Variants in WWTR1 observed in about 807,000 individuals in gnomAD.
The protein encoded by WWTR1 is WW domain containing transcription regulator 1, also known as WW domain-containing transcription regulator protein 1.
Under a neutral mutation model 40.1 loss-of-function variants are expected in WWTR1, and 13 were observed. That is an observed-to-expected ratio of 0.32 (90% CI 0.21 to 0.52). The LOEUF (loss-of-function observed/expected upper bound fraction) is 0.52, where lower values mean the gene tolerates loss of function less well. Among genes scored for constraint, WWTR1 ranks in the 20% least tolerant of loss-of-function variants. The pLI is 0.97. For synonymous variants in WWTR1, 230 were observed against 210.1 expected, an observed-to-expected ratio of 1.09 and a Z score of -0.82; for missense variants, 436 against 523.1, an observed-to-expected ratio of 0.83 and a Z score of 1.63.
intron 2 of WWTR1, among the ~76,000 whole-genome samples, chr3:149,575,149 TA>T (rs1737828036): frequency 6.6e-6 from 1 of 152,220 alleles, no homozygotes; most frequent in Middle Eastern, 3.4e-3. Context: ...ATCATTTCCC[TA>T]AGTATAAAGT....
Position 149,542,428 on chromosome 3 carries a change from G to T in WWTR1, c.678C>A (p.Thr226=). The change falls in exon 4 of 7, where the codon ACC becomes ACA. Residue 226 remains threonine, a synonymous_variant. Coordinates refer to ENST00000360632, the MANE Select transcript of WWTR1 (RefSeq NM_015472.6). ...AGLMSMPNAL[T]TQQQQQQKLR... ...GTTTCTGCTGCTGCTGCTGCTGAGTGGTCAGCGCATTGGGCATACTCATGA... is the reference window on the plus strand; with the variant it reads ...GTTTCTGCTGCTGCTGCTGCTGAGTTGTCAGCGCATTGGGCATACTCATGA... 6.2e-7 allele frequency: 1 copy of T among 1,614,154 alleles called. No homozygotes were observed. The highest frequency in any genetic ancestry group is 8.5e-7 in the Non-Finnish European group (1 of 1,180,008).
At chr3:149,620,529 A>G (rs1190917479) in intron 2 of WWTR1, among the ~76,000 whole-genome samples, 1 of 148,376 alleles carries the variant, frequency 6.7e-6, no homozygotes, top group Non-Finnish European at 1.5e-5. Context: ...GGGGAGCTGG[A>G]TCTCATATGT....
At chr3:149,648,670 A>T (rs1576621194) in intron 2 of WWTR1, among the ~76,000 whole-genome samples, 1 of 152,236 alleles carries the variant, frequency 6.6e-6, no homozygotes, top group East Asian at 1.9e-4. Flanking sequence ...CAAGTTCCTG[A>T]GGCCAGAAGG....
intron 2 of WWTR1, 60 bp from the exon 3 acceptor site, chr3:149,573,060 C>T: frequency 6.8e-7 from 1 of 1,473,430 alleles, no homozygotes; most frequent in East Asian, 2.3e-5. Context: ...TCATCATCAC[C>T]AACAACAGCA....
intron 5 of WWTR1, among the ~76,000 whole-genome samples, chr3:149,715,196 C>T (rs76685871): frequency 0.024 from 3,724 of 152,276 alleles, 88 homozygotes; most frequent in South Asian, 0.093. Context: ...TGAAACATGC[C>T]CCTTGTCCAC....
chr3:149,537,604 G>A (rs996828530), intron 4 of WWTR1, among the ~76,000 whole-genome samples: 25 of 152,220 alleles, frequency 1.6e-4, no homozygotes, highest in African/African-American at 6.0e-4. Context: ...TTTACATACA[G>A]TAAAATTCAC....
At chr3:149,540,147 G>A (rs1736025403) in intron 4 of WWTR1, 6 of 452,454 alleles carry the variant, frequency 1.3e-5, no homozygotes, top group South Asian at 9.3e-5. Flanking sequence ...AACTACATGA[G>A]TCCCTGTGAG....
chr3:149,543,885 TA>T (rs1172074527), intron 3 of WWTR1, among the ~76,000 whole-genome samples: 8 of 150,120 alleles, frequency 5.3e-5, no homozygotes, highest in African/African-American at 1.9e-4. Flanking sequence ...TCATTAACTT[TA>T]AAACATTTTA....
At chr3:149,557,483 C>T (rs1445664360) in intron 3 of WWTR1, among the ~76,000 whole-genome samples, 2 of 152,132 alleles carry the variant, frequency 1.3e-5, no homozygotes, top group African/African-American at 4.8e-5. Flanking sequence ...AGAAAAACTA[C>T]ATTTCTCTTC....
chr3:149,677,937 A>AT (rs34388497), intron 1 of WWTR1, among the ~76,000 whole-genome samples: 8,855 of 142,686 alleles, frequency 0.062, 288 homozygotes, highest in Non-Finnish European at 0.082. Flanking sequence ...TAATTTTTGT[A>AT]TTTTTTTTTT....
intron 2 of WWTR1, among the ~76,000 whole-genome samples, chr3:149,628,742 A>ATTTTT (rs762439346): frequency 2.7e-5 from 1 of 37,154 alleles, no homozygotes; most frequent in Non-Finnish European, 9.9e-5. Context: ...TATTTTTTTT[A>ATTTTT]TTTTATTTTA....
chr3:149,595,245 C>T (rs1315439775), intron 2 of WWTR1, among the ~76,000 whole-genome samples: 1 of 152,024 alleles, frequency 6.6e-6, no homozygotes, highest in Non-Finnish European at 1.5e-5. Context: ...CAGGCATGAG[C>T]CACCGCGCCC....
intron 5 of WWTR1, among the ~76,000 whole-genome samples, chr3:149,526,490 G>A (rs1187412232): frequency 1.3e-5 from 2 of 152,158 alleles, no homozygotes; most frequent in East Asian, 3.9e-4. Flanking sequence ...ATAAAAGTCT[G>A]TGTGATGGAC....
At chr3:149,601,710 AT>A (rs3976504) in intron 2 of WWTR1, among the ~76,000 whole-genome samples, 106,841 of 150,680 alleles carry the variant, frequency 0.71, 38,028 homozygotes, top group South Asian at 0.83. Flanking sequence ...GAAAAAAATT[AT>A]TTTTTTTTTT....
intron 3 of WWTR1, among the ~76,000 whole-genome samples, chr3:149,547,944 T>A (rs985010729): frequency 3.5e-5 from 5 of 144,908 alleles, no homozygotes; most frequent in African/African-American, 1.0e-4. Context: ...AAGGAAAAAA[T>A]CACACACACA....
At chr3:149,647,444 G>A (rs1476830929) in intron 2 of WWTR1, among the ~76,000 whole-genome samples, 1 of 152,228 alleles carries the variant, frequency 6.6e-6, no homozygotes, top group Non-Finnish European at 1.5e-5. Context: ...GATGACTATG[G>A]TTCCAGAATC....
At chr3:149,630,019 C>T (rs546876094) in intron 2 of WWTR1, among the ~76,000 whole-genome samples, 2 of 152,088 alleles carry the variant, frequency 1.3e-5, no homozygotes, top group East Asian at 3.9e-4. Flanking sequence ...CTAACTTTTT[C>T]ATTTTTTGTA....
At chr3:149,524,816 T>C (rs1259193247) in intron 6 of WWTR1, among the ~76,000 whole-genome samples, 2 of 152,204 alleles carry the variant, frequency 1.3e-5, no homozygotes, top group Admixed American at 1.3e-4. Flanking sequence ...ACAGGCACTA[T>C]GGCAAACACT....
At chr3:149,536,868 A>T (rs1735864968) in intron 4 of WWTR1, among the ~76,000 whole-genome samples, 1 of 152,164 alleles carries the variant, frequency 6.6e-6, no homozygotes, top group Non-Finnish European at 1.5e-5. Context: ...AGGGGGAGCC[A>T]AGGCTTTGCC....
Sources: allele counts gnomAD v4.1 joint callset (sites outside exome capture counted in the v4.1 genomes callset), GRCh38; gene constraint gnomAD v4.1.1; transcripts MANE v1.5; gene names NCBI Gene and HGNC (gene_info 2026-07-23, HGNC 2026-07-21).